CRPPA: variants seen among roughly 807,000 people sequenced by gnomAD.
CRPPA encodes the protein CDP-L-ribitol pyrophosphorylase A.
CRPPA carries 43 observed loss-of-function variants against 52.0 expected under a neutral mutation model. That is an observed-to-expected ratio of 0.83 (90% confidence interval 0.65 to 1.07). The LOEUF (loss-of-function observed/expected upper bound fraction) is 1.07. Ranked by LOEUF, CRPPA falls within the 50% of genes least tolerant of loss-of-function variation. The pLI, the probability that CRPPA is intolerant of heterozygous loss-of-function variation, is 0.00. For synonymous variants in CRPPA, 250 were observed against 203.5 expected (o/e 1.23, Z -1.94); for missense variants, 629 against 551.7 (o/e 1.14, Z -1.40).
chr7:16,258,887 C>T (rs747466513), intron 7 of CRPPA, 33 bp downstream of exon 7: 11 of 1,386,668 alleles, frequency 7.9e-6, no homozygotes, highest in Non-Finnish European at 9.1e-6. Context: ...TGTTCATATC[C>T]TTAAGTGCCT....
intron 9 of CRPPA, among the ~76,000 whole-genome samples, chr7:16,120,436 A>C (rs1490603049): frequency 6.6e-6 from 1 of 152,126 alleles, no homozygotes; most frequent in African/African-American, 2.4e-5. Context: ...AGTGACTGTA[A>C]AACATTAAAT....
chr7:16,407,637 C>T (rs1185433963), intron 1 of CRPPA, among the ~76,000 whole-genome samples: 1 of 152,134 alleles, frequency 6.6e-6, no homozygotes, highest in Non-Finnish European at 1.5e-5. Flanking sequence ...GGTTGCCTCA[C>T]CCAGTAATGT....
In CRPPA at chr7:16,241,970, T is replaced by TTTTTTTG. The variant is rs1241010922; in HGVS notation, c.1119+16419_1119+16420insCAAAAAA. ...TCTTTTTTTTTTTTTTTTTTTTTTG[T>TTTTTTTG]TGGGGGGAGATAGAGTCTCGCTCTG... On this transcript the variant is annotated intron_variant, in intron 8 of 9. Coordinates refer to ENST00000407010, the MANE Select transcript of CRPPA (RefSeq NM_001101426.4). Among the ~76,000 whole-genome samples, 935 of 104,706 alleles carry TTTTTTTG rather than the reference T, an allele frequency of 8.9e-3. 50 individuals carry two copies. Among genetic ancestry groups the TTTTTTTG allele is most frequent in the Non-Finnish European group, 0.013 (714 of 53,452 alleles). The allele number at this position is 104,706 out of a possible 152,430, so 68.7% of individuals were successfully genotyped here. A position where few individuals can be genotyped will look rare whatever the true frequency, so the allele number is the denominator to read the frequency against.
At chr7:16,219,529 AATTG>A (rs1782438570) in intron 8 of CRPPA, among the ~76,000 whole-genome samples, 1 of 111,450 alleles carries the variant, frequency 9.0e-6, no homozygotes, top group Admixed American at 1.1e-4. Context: ...GGATCAACAA[AATTG>A]ATAGACCGCT....
intron 1 of CRPPA, among the ~76,000 whole-genome samples, chr7:16,413,124 G>A (rs1241804726): frequency 6.6e-6 from 1 of 152,144 alleles, no homozygotes; most frequent in Non-Finnish European, 1.5e-5. Context: ...CCTCTGGATT[G>A]TACTATGGAC....
Position 16,274,270 on chromosome 7 carries a change from G to A in CRPPA, c.933+3859C>T, listed in dbSNP as rs562641156. ...TCACCGTGTTAGCCAGGATGGTCTC[G>A]ATCTCCTGACTTCGTGATCCGCCCA... is the stretch of plus-strand genomic sequence containing the variant. On this transcript the variant is annotated intron_variant, in intron 6 of 9. Transcript: ENST00000407010. 4.6e-5 allele frequency among the ~76,000 whole-genome samples: 7 copies of A among 151,954 alleles called. 1 individual carries two copies. The highest frequency in any genetic ancestry group is 2.1e-4 in the South Asian group (1 of 4,802).
intron 2 of CRPPA, among the ~76,000 whole-genome samples, chr7:16,379,539 A>G (rs917486896): frequency 6.6e-6 from 1 of 152,222 alleles, no homozygotes; most frequent in African/African-American, 2.4e-5. Flanking sequence ...AGTCATTGGT[A>G]GCTTGATGGG....
intron 5 of CRPPA, among the ~76,000 whole-genome samples, chr7:16,286,778 T>C (rs1784460348): frequency 1.3e-5 from 2 of 152,164 alleles, no homozygotes; most frequent in Non-Finnish European, 2.9e-5. Context: ...CTCAAATATA[T>C]ATCAACACAA....
At chr7:16,396,413 A>T (rs1279454267) in intron 2 of CRPPA, among the ~76,000 whole-genome samples, 1 of 152,218 alleles carries the variant, frequency 6.6e-6, no homozygotes, top group Admixed American at 6.5e-5. Context: ...AACCTAAAAA[A>T]AACAGTAGAT....
rs1302082669 is a variant in CRPPA, at chr7:16,286,112, A to ATT, written c.836-7887_836-7886insAA. On this transcript the variant is annotated intron_variant, in intron 5 of 9. Transcript: ENST00000407010. ...TAAAAAAAAAAATATATATATATAT[A>ATT]TATATGCCAAAAAGAAACAATGTAC... Among the ~76,000 whole-genome samples the ATT allele has an allele frequency of 2.5e-5, 3 of 122,056 alleles. 1 individual carries two copies. Among genetic ancestry groups the ATT allele is most frequent in the African/African-American group, 9.7e-5 (3 of 30,816 alleles). The allele number at this position is 122,056 out of a possible 152,430, so 80.1% of individuals were successfully genotyped here.
chr7:16,136,609 T>A (rs1278194915), intron 9 of CRPPA, among the ~76,000 whole-genome samples: 1 of 152,144 alleles, frequency 6.6e-6, no homozygotes, highest in Non-Finnish European at 1.5e-5. Context: ...TTGCTAAATA[T>A]CACACATTCT....
At chr7:16,108,508 T>A (rs1157975634) in intron 9 of CRPPA, among the ~76,000 whole-genome samples, 1 of 151,896 alleles carries the variant, frequency 6.6e-6, no homozygotes, top group Non-Finnish European at 1.5e-5. Flanking sequence ...ACAATAATAG[T>A]AGGGGACAAC....
chr7:16,136,156 A>G (rs1782758161), intron 9 of CRPPA, among the ~76,000 whole-genome samples: 1 of 152,234 alleles, frequency 6.6e-6, no homozygotes, highest in African/African-American at 2.4e-5. Context: ...GATGAAATGC[A>G]AAATGAAGTT....
At chr7:16,256,309 T>C (rs1296655155) in intron 8 of CRPPA, among the ~76,000 whole-genome samples, 1 of 152,078 alleles carries the variant, frequency 6.6e-6, no homozygotes, top group African/African-American at 2.4e-5. Context: ...TGTGGAGAAA[T>C]ATGAACGCTT....
intron 2 of CRPPA, among the ~76,000 whole-genome samples, chr7:16,400,232 A>G (rs1271910076): frequency 1.1e-5 from 1 of 88,146 alleles, no homozygotes; most frequent in African/African-American, 4.4e-5. Flanking sequence ...CGTGGCTGAC[A>G]CAAGATCTAC....
intron 9 of CRPPA, among the ~76,000 whole-genome samples, chr7:16,152,694 T>C (rs554226753): frequency 2.0e-5 from 3 of 152,034 alleles, no homozygotes; most frequent in African/African-American, 7.2e-5. Flanking sequence ...TATTTCAACA[T>C]GAAAGGCAGG....
At chr7:16,371,433 T>C (rs1004167666) in intron 3 of CRPPA, among the ~76,000 whole-genome samples, 1 of 151,878 alleles carries the variant, frequency 6.6e-6, no homozygotes, top group African/African-American at 2.4e-5. Context: ...AGATCCTCTA[T>C]AACTCAGGAA....
rs1163092089 is a variant in CRPPA at position 16,389,913 on chromosome 7, C to CA, written c.535-13673dup. On this transcript the variant is annotated intron_variant, in intron 2 of 9. Transcript: ENST00000407010. ...GGATACAGAGAACAAGCCTAGTATA[C>CA]AAAAAAAAAAAAAAAATATATATAT... Among the ~76,000 whole-genome samples, 49 of 34,310 alleles carry CA rather than the reference C, an allele frequency of 1.4e-3. 1 individual carries two copies. Among genetic ancestry groups the CA allele is most frequent in the Admixed American group, 2.0e-3 (4 of 2,046 alleles). 22.5% of individuals were successfully genotyped at this position (34,310 alleles called of 152,430 possible). A position where few individuals can be genotyped will look rare whatever the true frequency, so the allele number is the denominator to read the frequency against.
At chr7:16,110,209 A>C (rs1782232764) in intron 9 of CRPPA, among the ~76,000 whole-genome samples, 3 of 152,090 alleles carry the variant, frequency 2.0e-5, no homozygotes, top group Admixed American at 1.3e-4. Context: ...TTTGGGAATA[A>C]ATTTAATCAA....
Sources: gnomAD v4.1 joint callset for allele counts (sites outside exome capture counted in the v4.1 genomes callset) on GRCh38, gnomAD v4.1.1 for gene constraint, MANE v1.5 for transcripts, NCBI Gene and HGNC (gene_info 2026-07-23, HGNC 2026-07-21) for gene names.